DMD: variants seen among roughly 807,000 people sequenced by gnomAD.
DMD encodes the protein mutant dystrophin.
Under a neutral mutation model 330.1 loss-of-function variants are expected in DMD, and 63 were observed. That is an observed-to-expected ratio of 0.19 (90% CI 0.16 to 0.24). The LOEUF (loss-of-function observed/expected upper bound fraction) is 0.24. Among genes scored for constraint, DMD ranks in the 10% least tolerant of loss-of-function variants. DMD has a pLI of 1.00. For synonymous variants in DMD, 1,223 were observed against 959.8 expected (o/e 1.27, Z -5.07); for missense variants, 3,344 against 2,684.1 (o/e 1.25, Z -5.43).
intron 1 of DMD, among the ~76,000 whole-genome samples, chrX:33,030,601 T>C (rs1030410210): frequency 1.8e-5 from 2 of 111,688 alleles, no homozygotes; most frequent in Non-Finnish European, 3.8e-5. Context: ...TTATTTTTGT[T>C]AAAGTAATAA....
At chrX:32,328,204 C>T (rs1193389829) in intron 41 of DMD, among the ~76,000 whole-genome samples, 3 of 111,531 alleles carry the variant, frequency 2.7e-5, no homozygotes, top group East Asian at 2.8e-4. Context: ...AAATGTAATA[C>T]TTCTGTTTTG....
At chrX:31,136,980 C>A (rs2035319817) in intron 76 of DMD, among the ~76,000 whole-genome samples, 1 of 111,772 alleles carries the variant, frequency 8.9e-6, no homozygotes, top group Non-Finnish European at 1.9e-5. Flanking sequence ...TCCATATTTT[C>A]ATGATTTCTC....
intron 41 of DMD, among the ~76,000 whole-genome samples, chrX:32,339,191 T>C (rs1316275195): frequency 9.0e-6 from 1 of 111,400 alleles, no homozygotes; most frequent in Non-Finnish European, 1.9e-5. Flanking sequence ...AGTTTATCCC[T>C]GATCATACAG....
chrX:31,969,675 C>T (rs945347211), intron 44 of DMD, among the ~76,000 whole-genome samples: 3 of 111,730 alleles, frequency 2.7e-5, no homozygotes, highest in African/African-American at 9.8e-5. Context: ...GTTTCACATA[C>T]ATTTCTTGGC....
chrX:32,235,378 G>A (rs2097183847), intron 43 of DMD, among the ~76,000 whole-genome samples: 1 of 111,236 alleles, frequency 9.0e-6, no homozygotes, highest in Non-Finnish European at 1.9e-5. Flanking sequence ...GAGTGATGAG[G>A]AGCAGCTGTA....
intron 13 of DMD, among the ~76,000 whole-genome samples, chrX:32,581,549 T>C (rs1026620650): frequency 9.8e-5 from 11 of 112,058 alleles, no homozygotes; most frequent in Non-Finnish European, 1.5e-4. Context: ...AATAGACCAA[T>C]TCCTAGAAAG....
At chrX:32,658,881 G>A (rs992155052) in intron 9 of DMD, among the ~76,000 whole-genome samples, 2 of 111,960 alleles carry the variant, frequency 1.8e-5, no homozygotes, top group Admixed American at 1.9e-4. Flanking sequence ...GAATTTATAG[G>A]TAGTGTGTAC....
chrX:32,480,152 T>TG (rs1182073108), intron 21 of DMD, among the ~76,000 whole-genome samples: 1 of 111,428 alleles, frequency 9.0e-6, no homozygotes, highest in Non-Finnish European at 1.9e-5. Flanking sequence ...AACAGATATG[T>TG]GAAAAAATGC....
At chrX:32,697,015 A>G (rs1301095832) in intron 9 of DMD, among the ~76,000 whole-genome samples, 1 of 112,067 alleles carries the variant, frequency 8.9e-6, no homozygotes, top group Non-Finnish European at 1.9e-5. Context: ...TTTTTAGCCG[A>G]TAGGATCAGG....
chrX:31,565,398 C>T (rs894028645), intron 55 of DMD, among the ~76,000 whole-genome samples: 1 of 111,643 alleles, frequency 9.0e-6, no homozygotes, highest in African/African-American at 3.3e-5. Context: ...CATTATGTAA[C>T]CTTTTCAGAT....
intron 11 of DMD, among the ~76,000 whole-genome samples, chrX:32,615,921 A>G (rs2057527106): frequency 9.0e-6 from 1 of 111,417 alleles, no homozygotes; most frequent in African/African-American, 3.3e-5. Context: ...GTATTTCAGT[A>G]TCTCTCCAAG....
At chrX:32,288,456 TAC>T (rs1484254729) in intron 42 of DMD, among the ~76,000 whole-genome samples, 1 of 112,014 alleles carries the variant, frequency 8.9e-6, no homozygotes, top group Non-Finnish European at 1.9e-5. Flanking sequence ...CCTTTCTTGC[TAC>T]AGATCTGATA....
At chrX:32,685,247 A>G (rs923376758) in intron 9 of DMD, among the ~76,000 whole-genome samples, 4 of 111,383 alleles carry the variant, frequency 3.6e-5, no homozygotes, top group African/African-American at 1.3e-4. Context: ...TAGAAGTAGA[A>G]GAATCCACGG....
intron 9 of DMD, among the ~76,000 whole-genome samples, chrX:32,694,741 C>A (rs1418720218): frequency 1.8e-5 from 2 of 111,883 alleles, no homozygotes; most frequent in African/African-American, 6.5e-5. Context: ...ACTGCAACCT[C>A]CACCTCCCGG....
chrX:31,223,823 T>A (rs1184875270), intron 63 of DMD, among the ~76,000 whole-genome samples: 2 of 112,395 alleles, frequency 1.8e-5, no homozygotes, highest in Non-Finnish European at 3.8e-5. Flanking sequence ...CTGTTAACAT[T>A]TTGAGTATTT....
At chrX:32,046,517 G>A (rs1426396919) in intron 44 of DMD, among the ~76,000 whole-genome samples, 2 of 111,943 alleles carry the variant, frequency 1.8e-5, no homozygotes, top group African/African-American at 3.2e-5. Context: ...CGAAATCTAC[G>A]TTTCCAAAGA....
chrX:32,442,090 TAGA>T lies in DMD; in HGVS notation c.3787-779_3787-777del, dbSNP rs200194785. Reference sequence around the variant, plus strand: ...ACTTTAAAATTTCTACAAGAAAATATAGAAGAAAATATTTCTGACTTTGGCATA... The same window carrying T: ...ACTTTAAAATTTCTACAAGAAAATATAGAAAATATTTCTGACTTTGGCATA... On this transcript the variant is annotated intron_variant, in intron 27 of 78. Transcript: ENST00000357033. Among the ~76,000 whole-genome samples the T allele has an allele frequency of 5.4e-3, 596 of 110,896 alleles. 4 individuals carry two copies. The highest frequency in any genetic ancestry group is 0.018 in the African/African-American group (553 of 30,765).
intron 7 of DMD, among the ~76,000 whole-genome samples, chrX:32,714,071 C>T (rs974184144): frequency 1.8e-5 from 2 of 111,655 alleles, no homozygotes; most frequent in African/African-American, 3.3e-5. Flanking sequence ...ACTCAAAGTA[C>T]GGTTTCTACT....
intron 1 of DMD, among the ~76,000 whole-genome samples, chrX:33,091,624 T>C (rs1362616151): frequency 8.9e-6 from 1 of 112,123 alleles, no homozygotes; most frequent in African/African-American, 3.2e-5. Flanking sequence ...TTCACTGTTT[T>C]CTCCCTTCAA....
Sources: gnomAD v4.1 joint callset for allele counts (sites outside exome capture counted in the v4.1 genomes callset) on GRCh38, gnomAD v4.1.1 for gene constraint, MANE v1.5 for transcripts, NCBI Gene and HGNC (gene_info 2026-07-23, HGNC 2026-07-21) for gene names.